DSCAML1: variants seen among roughly 807,000 people sequenced by gnomAD.
The protein encoded by DSCAML1 is cell adhesion molecule DSCAML1.
In DSCAML1, 38 loss-of-function variants were observed where a neutral mutation model predicts 200.5. That is an observed-to-expected ratio of 0.19 (90% CI 0.15 to 0.25). The LOEUF (loss-of-function observed/expected upper bound fraction) is 0.25, where lower values mean the gene tolerates loss of function less well. DSCAML1 is among the 10% of genes least tolerant of loss of function. DSCAML1 has a pLI of 1.00. For missense variants in DSCAML1, 2,223 were observed against 2,858.8 expected (o/e 0.78, Z 5.07); for synonymous variants, 1,215 against 1,165.0 (o/e 1.04, Z -0.87).
intron 3 of DSCAML1, among the ~76,000 whole-genome samples, chr11:117,643,470 G>T (rs1037876493): frequency 6.6e-5 from 10 of 152,228 alleles, no homozygotes; most frequent in Non-Finnish European, 1.3e-4. Context: ...ACCCTTCAAA[G>T]AATTCTGCAA....
chr11:117,550,267 A>G (rs1485779430), intron 3 of DSCAML1, among the ~76,000 whole-genome samples: 1 of 152,218 alleles, frequency 6.6e-6, no homozygotes, highest in Non-Finnish European at 1.5e-5. Context: ...GGGCAATATG[A>G]TCCTCATTTT....
At chr11:117,687,426 A>ATTTTAATTTTTTTTTTTTTTT (rs552784985) in intron 3 of DSCAML1, among the ~76,000 whole-genome samples, 1 of 97,684 alleles carries the variant, frequency 1.0e-5, no homozygotes, top group African/African-American at 4.1e-5. Context: ...ATGCCTGGCT[A>ATTTTAATTTTTTTTTTTTTTT]TTTTTTTTTT....
intron 3 of DSCAML1, among the ~76,000 whole-genome samples, chr11:117,554,596 C>G (rs184426718): frequency 6.6e-6 from 1 of 152,066 alleles, no homozygotes; most frequent in Non-Finnish European, 1.5e-5. Flanking sequence ...AGGCTGGTCT[C>G]GAACTCCTGA....
intron 3 of DSCAML1, among the ~76,000 whole-genome samples, chr11:117,719,214 C>T (rs1210673157): frequency 6.6e-6 from 1 of 152,062 alleles, no homozygotes; most frequent in Non-Finnish European, 1.5e-5. Context: ...ACAGGCGGAT[C>T]GCTGGAGGTC....
rs1360276485 is a variant in DSCAML1, at chr11:117,780,371, CA to C, written c.364+121del. The C allele has an allele frequency of 1.2e-6, 1 of 831,172 alleles. No homozygotes were observed. 51.5% of individuals were successfully genotyped at this position (831,172 alleles called of 1,614,324 possible). On this transcript the variant is annotated intron_variant, in intron 2 of 32. Transcript: ENST00000651296. The surrounding 1 kb of genome is among the most constrained non-coding windows in gnomAD (Gnocchi z 4.8). ...CACAGCAAGTGGTACAACAAAGATT[CA>C]AAAGAGAACAACAAAACTGTTCTTG...
chr11:117,564,055 C>T (rs1173351247), intron 3 of DSCAML1, among the ~76,000 whole-genome samples: 1 of 152,174 alleles, frequency 6.6e-6, no homozygotes, highest in Non-Finnish European at 1.5e-5. Flanking sequence ...GTGGAGTTCA[C>T]CGAGGTGGAG....
At chr11:117,535,068 CTG>C (rs1334605241) in intron 3 of DSCAML1, among the ~76,000 whole-genome samples, 7 of 152,160 alleles carry the variant, frequency 4.6e-5, no homozygotes, top group Admixed American at 4.6e-4. Flanking sequence ...GTGCCAGACA[CTG>C]TGCCCCACTT....
At chr11:117,444,136 G>A (rs1388293796) in intron 20 of DSCAML1, 97 bp from the exon 21 acceptor site, 4 of 1,376,856 alleles carry the variant, frequency 2.9e-6, no homozygotes, top group East Asian at 2.4e-5. Context: ...AGAGGATGGC[G>A]GGGTCGGATG....
intron 3 of DSCAML1, among the ~76,000 whole-genome samples, chr11:117,749,034 G>A (rs1257327367): frequency 1.3e-5 from 2 of 152,290 alleles, no homozygotes; most frequent in Admixed American, 6.5e-5. Context: ...GGCTTTGTGG[G>A]CTTCCAGGGA....
rs59695358 is a variant in DSCAML1, at chr11:117,432,516, A to C, written c.5027-12T>G. 1.2e-6 allele frequency: 2 copies of C among 1,612,322 alleles called. No individual in the cohort carries two copies. The highest frequency in any genetic ancestry group is 3.4e-5 in the Admixed American group (2 of 59,500). ...GGCCTTGTCATCTCCTGGGGAAAGA[A>C]GGACAATTACTGGGAGTCCTTTACA... On this transcript the variant is annotated splice_polypyrimidine_tract_variant and intron_variant, in intron 29 of 32. Transcript: ENST00000651296.
intron 1 of DSCAML1, among the ~76,000 whole-genome samples, chr11:117,793,345 A>G (rs1390197700): frequency 6.6e-6 from 1 of 152,160 alleles, no homozygotes; most frequent in Non-Finnish European, 1.5e-5. Context: ...AACTCCTCCA[A>G]GATCACGGAG....
intron 3 of DSCAML1, among the ~76,000 whole-genome samples, chr11:117,681,831 C>G (rs926371314): frequency 2.6e-5 from 4 of 152,124 alleles, no homozygotes; most frequent in Non-Finnish European, 4.4e-5. Context: ...TCACAAACAC[C>G]CACATCAAAT....
chr11:117,488,429 G>GA (rs1234424812), intron 11 of DSCAML1, among the ~76,000 whole-genome samples: 1 of 152,152 alleles, frequency 6.6e-6, no homozygotes, highest in East Asian at 1.9e-4. Context: ...TCTATATGGA[G>GA]ACCAGCTGTA....
At chr11:117,766,290 G>A (rs2054897102) in intron 3 of DSCAML1, among the ~76,000 whole-genome samples, 1 of 152,148 alleles carries the variant, frequency 6.6e-6, no homozygotes, top group Non-Finnish European at 1.5e-5. Flanking sequence ...AAGCACCGTT[G>A]GCTTCTTCTG....
chr11:117,435,461 G>A (rs895976688), intron 27 of DSCAML1, among the ~76,000 whole-genome samples, 183 bp downstream of exon 27: 1 of 152,270 alleles, frequency 6.6e-6, no homozygotes, highest in African/African-American at 2.4e-5. Flanking sequence ...GCATAGAGGA[G>A]GAAGTGGTGA....
intron 3 of DSCAML1, among the ~76,000 whole-genome samples, chr11:117,564,498 GCTT>G (rs1591270262): frequency 6.6e-6 from 1 of 152,162 alleles, no homozygotes; most frequent in East Asian, 1.9e-4. Flanking sequence ...AGCTGCTCTG[GCTT>G]CTTTGCTGCC....
chr11:117,687,426 A>ATT (rs71037492), intron 3 of DSCAML1, among the ~76,000 whole-genome samples: 2,009 of 97,550 alleles, frequency 0.021, 116 homozygotes, highest in South Asian at 0.088. Context: ...ATGCCTGGCT[A>ATT]TTTTTTTTTT....
At chr11:117,803,292 G>A (rs1471477107) in intron 1 of DSCAML1, among the ~76,000 whole-genome samples, 3 of 152,036 alleles carry the variant, frequency 2.0e-5, no homozygotes, top group Admixed American at 6.5e-5. Flanking sequence ...GGAAAGACAA[G>A]GTTTGAAATG....
rs1213735586 is a variant in DSCAML1, at chr11:117,498,715, GC to G, written c.2359+5129del. Reference sequence around the variant, plus strand: ...CCCGAGGGCTTCCTTTGCTAGGCCCGCCCCCTCCATTTCTCAAGTCCCCACG... The same window carrying G: ...CCCGAGGGCTTCCTTTGCTAGGCCCGCCCCTCCATTTCTCAAGTCCCCACG... On this transcript the variant is annotated intron_variant, in intron 11 of 32. Transcript: ENST00000651296. This position sits in a 1 kb window ranked among gnomAD's most constrained non-coding sequence, Gnocchi z 4.0. Among the ~76,000 whole-genome samples the G allele has an allele frequency of 3.3e-5, 5 of 152,124 alleles. No homozygotes were observed. The highest frequency in any genetic ancestry group is 1.9e-4 in the East Asian group (1 of 5,196).
Sources: allele counts gnomAD v4.1 joint callset (sites outside exome capture counted in the v4.1 genomes callset), GRCh38; gene constraint gnomAD v4.1.1; non-coding constraint Gnocchi (gnomAD v3.1); transcripts MANE v1.5; gene names NCBI Gene and HGNC (gene_info 2026-07-23, HGNC 2026-07-21).